The following DDX4 variants were observed in gnomAD, a reference collection of about 807,000 sequenced individuals.
DDX4 encodes probable ATP-dependent RNA helicase DDX4.
A neutral mutation model predicts 100.0 loss-of-function variants in DDX4; 25 were observed. The ratio of observed to expected loss-of-function variants is 0.25; its 90% CI spans 0.18 to 0.35. The LOEUF (loss-of-function observed/expected upper bound fraction) is 0.35, where lower values mean the gene tolerates loss of function less well. DDX4 is among the 10% of genes least tolerant of loss of function. DDX4 has a pLI of 1.00. For missense variants in DDX4, 635 were observed against 882.4 expected, an observed-to-expected ratio of 0.72 and a Z score of 3.55; for synonymous variants, 259 against 275.7, an observed-to-expected ratio of 0.94 and a Z score of 0.60.
intron 7 of DDX4, among the ~76,000 whole-genome samples, chr5:55,776,476 TG>T (rs1561496042): frequency 6.6e-6 from 1 of 152,208 alleles, no homozygotes; most frequent in Non-Finnish European, 1.5e-5. Flanking sequence ...CCCTTATGCA[TG>T]TATTGAAATT....
At chr5:55,786,373 T>G in intron 13 of DDX4, 145 bp from the exon 14 acceptor site, 1 of 567,434 alleles carries the variant, frequency 1.8e-6, no homozygotes, top group South Asian at 2.7e-5. Flanking sequence ...AATATTTACT[T>G]CTGAGTGGAG....
intron 4 of DDX4, among the ~76,000 whole-genome samples, chr5:55,762,224 G>A (rs1740604554): frequency 6.6e-6 from 1 of 152,064 alleles, no homozygotes; most frequent in Non-Finnish European, 1.5e-5. Context: ...TTTTTTCTCA[G>A]TGATAGTTTA....
At chr5:55,787,655 A>G (rs1026238917) in intron 14 of DDX4, among the ~76,000 whole-genome samples, 191 bp from the exon 15 acceptor site, 3 of 152,202 alleles carry the variant, frequency 2.0e-5, no homozygotes, top group Non-Finnish European at 4.4e-5. Context: ...CAAATTTTAT[A>G]TTGTATAATA....
At chr5:55,810,050 A>G (rs1198218846) in intron 18 of DDX4, among the ~76,000 whole-genome samples, 1 of 152,192 alleles carries the variant, frequency 6.6e-6, no homozygotes, top group East Asian at 1.9e-4. Flanking sequence ...CACACAAAAA[A>G]TAGAGGCCGA....
At chr5:55,758,914 G>A (rs1760113856) in intron 3 of DDX4, among the ~76,000 whole-genome samples, 2 of 146,192 alleles carry the variant, frequency 1.4e-5, no homozygotes, top group Non-Finnish European at 3.0e-5. Context: ...AGACAGACAA[G>A]GTCTCTTTCT....
chr5:55,806,628 A>T (rs1307659281), intron 18 of DDX4, among the ~76,000 whole-genome samples: 9 of 152,070 alleles, frequency 5.9e-5, no homozygotes, highest in Non-Finnish European at 4.4e-5. Context: ...CATGTAGTTG[A>T]GTGGTTTTGA....
chr5:55,760,346 C>A (rs1308362286), intron 4 of DDX4, 69 bp downstream of exon 4: 57 of 1,435,872 alleles, frequency 4.0e-5, no homozygotes, highest in Non-Finnish European at 5.1e-5. Flanking sequence ...GCTTTCATGG[C>A]CATTTGGTAC....
chr5:55,763,437 G>A (rs1281865333), intron 5 of DDX4, among the ~76,000 whole-genome samples, 185 bp downstream of exon 5: 1 of 152,066 alleles, frequency 6.6e-6, no homozygotes. Context: ...TTTTATGAAA[G>A]ATTACTGATG....
chr5:55,781,808 G>T, intron 9 of DDX4, 126 bp from the exon 10 acceptor site: 8 of 849,412 alleles, frequency 9.4e-6, no homozygotes, highest in South Asian at 2.0e-5. Context: ...AAAATTAAGA[G>T]ATGGATGGGT....
chr5:55,814,599 T>C (rs144245650), intron 19 of DDX4, among the ~76,000 whole-genome samples: 231 of 152,254 alleles, frequency 1.5e-3, no homozygotes, highest in African/African-American at 5.2e-3. Flanking sequence ...CAAGTGATTC[T>C]CCTACTTCAG....
intron 7 of DDX4, among the ~76,000 whole-genome samples, chr5:55,775,038 T>C (rs1741475006): frequency 6.6e-6 from 1 of 152,212 alleles, no homozygotes; most frequent in Admixed American, 6.5e-5. Context: ...CCCTTAACCC[T>C]GGTCTTTGGT....
At chr5:55,803,134 T>C (rs1429853058) in intron 18 of DDX4, among the ~76,000 whole-genome samples, 1 of 144,788 alleles carries the variant, frequency 6.9e-6, no homozygotes, top group Admixed American at 7.1e-5. Context: ...GTGTGTGATG[T>C]CCCCCTTCCT....
intron 18 of DDX4, among the ~76,000 whole-genome samples, chr5:55,806,975 C>CT (rs1320771672): frequency 6.6e-6 from 1 of 152,168 alleles, no homozygotes; most frequent in East Asian, 1.9e-4. Flanking sequence ...TTGTAGGTCT[C>CT]TAAGGACTTG....
At chr5:55,791,981 A>G (rs939389787) in intron 16 of DDX4, among the ~76,000 whole-genome samples, 2 of 152,044 alleles carry the variant, frequency 1.3e-5, no homozygotes, top group Admixed American at 1.3e-4. Context: ...AAAATTAGCC[A>G]GGCATGGGGG....
intron 18 of DDX4, among the ~76,000 whole-genome samples, chr5:55,804,383 A>G (rs1457184571): frequency 1.3e-5 from 2 of 152,030 alleles, no homozygotes. Context: ...TGTTTTAGAC[A>G]TGAAGTCCTT....
intron 7 of DDX4, among the ~76,000 whole-genome samples, chr5:55,768,732 T>G (rs914451661): frequency 3.3e-5 from 5 of 152,226 alleles, no homozygotes; most frequent in African/African-American, 1.2e-4. Context: ...TGAACTAATT[T>G]ACACTCCCAC....
intron 16 of DDX4, 48 bp from the exon 17 acceptor site, chr5:55,792,588 TTAATA>T: frequency 1.0e-6 from 1 of 956,710 alleles, no homozygotes; most frequent in Non-Finnish European, 1.5e-6. Context: ...AGAGAATAGT[TTAATA>T]TAAACTAATA....
At chr5:55,814,874 T>C in intron 19 of DDX4, 27 bp from the exon 20 acceptor site, 1 of 1,593,194 alleles carries the variant, frequency 6.3e-7, no homozygotes, top group Non-Finnish European at 8.5e-7. Context: ...AGAGTGGTTC[T>C]AATAACATGC....
chr5:55,807,728 C>T (rs1037249778), intron 18 of DDX4, among the ~76,000 whole-genome samples: 29 of 152,022 alleles, frequency 1.9e-4, no homozygotes, highest in Non-Finnish European at 4.1e-4. Context: ...GTGGGTAACC[C>T]GACCTTTCTC....
Sources: gnomAD v4.1 joint callset for allele counts (sites outside exome capture counted in the v4.1 genomes callset) on GRCh38, gnomAD v4.1.1 for gene constraint, MANE v1.5 for transcripts, NCBI Gene and HGNC (gene_info 2026-07-23, HGNC 2026-07-21) for gene names.